LAMA1: variants seen among roughly 807,000 people sequenced by gnomAD.
LAMA1 encodes the protein laminin subunit alpha 1.
LAMA1 carries 219 observed loss-of-function variants against 348.7 expected under a neutral mutation model. The observed-to-expected ratio is 0.63, with a 90% CI of 0.56 to 0.70. The LOEUF is 0.70. Ranked by LOEUF, LAMA1 falls within the 30% of genes least tolerant of loss-of-function variation. The probability of loss-of-function intolerance (pLI) is 0.00; values close to 1 mark genes in which losing one functional copy is unlikely to be tolerated. For missense variants in LAMA1, 3,744 were observed against 3,888.0 expected (o/e 0.96, Z 0.99); for synonymous variants, 1,487 against 1,491.0 (o/e 1.00, Z 0.06).
chr18:6,974,488 G>C (rs193239820), intron 46 of LAMA1, among the ~76,000 whole-genome samples: 1 of 136,054 alleles, frequency 7.4e-6, no homozygotes, highest in Non-Finnish European at 1.5e-5. Context: ...TGGGAGTCTC[G>C]CTCTGTTGCC....
At chr18:6,958,964 T>A (rs1337089172) in intron 54 of LAMA1, among the ~76,000 whole-genome samples, 6 of 152,168 alleles carry the variant, frequency 3.9e-5, no homozygotes, top group Non-Finnish European at 2.9e-5. Flanking sequence ...CCCAGTGTGC[T>A]TTTAAAGCAT....
Position 6,995,403 on chromosome 18 carries a change from A to T in LAMA1, c.4850T>A (p.Ile1617Asn), listed in dbSNP as rs1304674162. 2 of 1,613,480 alleles carry T rather than the reference A, an allele frequency of 1.2e-6. No individual in the cohort carries two copies. Among genetic ancestry groups the T allele is most frequent in the Admixed American group, 1.7e-5 (1 of 60,024 alleles). Residue 1617 changes from isoleucine to asparagine, a missense_variant, in exon 34 of 63, where the codon ATT (isoleucine) becomes AAT (asparagine). Transcript: ENST00000389658. ...KENMQKDLGK[I>N]KLEGVAEETD... ...TTCTTCTGCAACACCTTCAAGCTTA[A>T]TTTTTCCCAGGTCCTTTTGCATATT...
In LAMA1 at chr18:7,070,417, T is replaced by A. The variant is rs183008441; in HGVS notation, c.345+9558A>T. Among the ~76,000 whole-genome samples the A allele has an allele frequency of 1.8e-3, 268 of 152,334 alleles. 1 individual carries two copies. The highest frequency in any genetic ancestry group is 6.0e-3 in the African/African-American group (249 of 41,586). On this transcript the variant is annotated intron_variant, in intron 3 of 62. Coordinates refer to ENST00000389658, the MANE Select transcript of LAMA1 (RefSeq NM_005559.4). ...ATGCAATTCTTGCAATAAAAATCTTTAAAGATTTTATCTTAAGAATGTGAA... is the reference window on the plus strand; with the variant it reads ...ATGCAATTCTTGCAATAAAAATCTTAAAAGATTTTATCTTAAGAATGTGAA...
rs139287713 is a variant in LAMA1, at chr18:7,088,394, G to A, written c.62-7937C>T. 3.0e-3 allele frequency among the ~76,000 whole-genome samples: 458 copies of A among 152,266 alleles called. 2 individuals carry two copies. The highest frequency in any genetic ancestry group is 0.01 in the African/African-American group (436 of 41,546). Reference sequence around the variant, plus strand: ...AAGCCGAGAAGGGAAAGCACCTCAGGAGGTAACACTGAACGGGTTATGTAA... The same window carrying A: ...AAGCCGAGAAGGGAAAGCACCTCAGAAGGTAACACTGAACGGGTTATGTAA... On this transcript the variant is annotated intron_variant, in intron 1 of 62. Transcript: ENST00000389658.
intron 34 of LAMA1, among the ~76,000 whole-genome samples, chr18:6,994,358 T>C (rs1209552412): frequency 6.6e-6 from 1 of 152,266 alleles, no homozygotes; most frequent in Non-Finnish European, 1.5e-5. Context: ...CTGGGATTTT[T>C]ACTCTTTGTT....
chr18:7,029,819 G>C (rs1202636163), intron 16 of LAMA1, among the ~76,000 whole-genome samples: 1 of 152,092 alleles, frequency 6.6e-6, no homozygotes, highest in Non-Finnish European at 1.5e-5. Context: ...AGAGAGCTCA[G>C]AGAGAAAAAC....
Position 7,024,367 on chromosome 18 carries a change from G to A in LAMA1, c.2489+13C>T. On this transcript the variant is annotated intron_variant, in intron 18 of 62. Coordinates refer to ENST00000389658, the MANE Select transcript of LAMA1 (RefSeq NM_005559.4). ...ATTTCGAAAATGTGTTGAAGCCAGT[G>A]GATGCAGAGTACCTCTCACACCAAG... 6.2e-7 allele frequency: 1 copy of A among 1,605,928 alleles called. No individual in the cohort carries two copies. The highest frequency in any genetic ancestry group is 1.1e-5 in the South Asian group (1 of 90,738).
chr18:6,980,681 A>T, intron 41 of LAMA1, 44 bp from the exon 42 acceptor site: 1 of 1,260,830 alleles, frequency 7.9e-7, no homozygotes, highest in Non-Finnish European at 1.2e-6. Flanking sequence ...TTAGCCTACA[A>T]AAAAGTTGCC....
At chr18:6,983,442 A>G (rs1275901589) in intron 39 of LAMA1, among the ~76,000 whole-genome samples, 2 of 152,152 alleles carry the variant, frequency 1.3e-5, no homozygotes, top group African/African-American at 2.4e-5. Context: ...TTGTCATAAC[A>G]CTCAGAACTG....
intron 19 of LAMA1, among the ~76,000 whole-genome samples, chr18:7,021,251 C>G (rs1463490839): frequency 3.9e-5 from 6 of 152,170 alleles, no homozygotes; most frequent in Non-Finnish European, 8.8e-5. Flanking sequence ...AGTGCAACCC[C>G]CGACAGTCAT....
At chr18:7,074,328 A>C (rs2058158223) in intron 3 of LAMA1, among the ~76,000 whole-genome samples, 1 of 152,192 alleles carries the variant, frequency 6.6e-6, no homozygotes, top group Non-Finnish European at 1.5e-5. Context: ...GACGATGAAC[A>C]TCTTTTCATC....
intron 55 of LAMA1, chr18:6,957,088 G>T: frequency 2.7e-6 from 1 of 368,990 alleles, no homozygotes; most frequent in Non-Finnish European, 5.2e-6. Flanking sequence ...TCAGGGACAC[G>T]TTTTTGTCTC....
intron 48 of LAMA1, among the ~76,000 whole-genome samples, chr18:6,969,732 A>C (rs554852596): frequency 2.6e-5 from 4 of 152,258 alleles, no homozygotes; most frequent in African/African-American, 7.2e-5. Flanking sequence ...AGTTGGCAGG[A>C]GGGCAGCATC....
chr18:6,972,249 A>C (rs916913725), intron 47 of LAMA1: 1 of 423,450 alleles, frequency 2.4e-6, no homozygotes, highest in Admixed American at 3.5e-5. Context: ...ACGAGTGAGA[A>C]AACAGAGAGC....
intron 18 of LAMA1, 50 bp downstream of exon 18, chr18:7,024,329 GA>G: frequency 7.1e-7 from 1 of 1,409,074 alleles, no homozygotes; most frequent in Non-Finnish European, 1.0e-6. Flanking sequence ...TAAACACATA[GA>G]ATTTATATTT....
chr18:7,026,011 G>A lies in LAMA1; in HGVS notation c.2370C>T (p.Pro790=), dbSNP rs772773157. The change falls in exon 17 of 63, where the codon CCC becomes CCT. Residue 790 remains proline, a synonymous_variant. Transcript: ENST00000389658. The part of the protein sequence containing the change: ...PSRGTPGDCQ[P]CACPLTIASN... ...AGGCTATGGTGAGAGGGCAGGCGCA[G>A]GGCTGGCAGTCCCCAGGTGTCCCTC... 1.2e-6 allele frequency: 2 copies of A among 1,609,638 alleles called. No individual in the cohort carries two copies. The highest frequency in any genetic ancestry group is 2.2e-5 in the East Asian group (1 of 44,742).
Position 6,952,976 on chromosome 18 carries a change from C to T in LAMA1, c.8208-2005G>A, listed in dbSNP as rs998530925. 5.2e-4 allele frequency among the ~76,000 whole-genome samples: 71 copies of T among 136,742 alleles called. 2 individuals are homozygous for T. Among genetic ancestry groups the T allele is most frequent in the African/African-American group, 2.2e-3 (65 of 30,044 alleles). 89.7% of individuals were successfully genotyped at this position (136,742 alleles called of 152,430 possible). A position where few individuals can be genotyped will look rare whatever the true frequency, so the allele number is the denominator to read the frequency against. ...CATGGGAGCCATGTCTGCCTGTGTC[C>T]GGCGGATCCACGCCATAGGAGCCAT... On this transcript the variant is annotated intron_variant, in intron 57 of 62. Coordinates refer to ENST00000389658, the MANE Select transcript of LAMA1 (RefSeq NM_005559.4).
rs1338301644 is a variant in LAMA1 at position 6,993,655 on chromosome 18, T to TG, written c.4993dup (p.Gln1665ProfsTer19). 1.9e-6 allele frequency: 3 copies of TG among 1,612,236 alleles called. No homozygotes were observed. Among genetic ancestry groups the TG allele is most frequent in the Admixed American group, 3.3e-5 (2 of 59,980 alleles). On this transcript the variant is annotated frameshift_variant, in exon 35 of 63. Coordinates refer to ENST00000389658, the MANE Select transcript of LAMA1 (RefSeq NM_005559.4). LOFTEE classifies it high-confidence loss of function. ...GCCCACACTACCTGTGATGCTCATC[T>TG]GCAGCCTCTCAATGGCTATGGCCAG...
chr18:7,095,528 C>T (rs2058257588), intron 1 of LAMA1, among the ~76,000 whole-genome samples: 1 of 152,184 alleles, frequency 6.6e-6, no homozygotes. Flanking sequence ...GGCTCCAGCT[C>T]TGAAGAAGGC....
Sources: gnomAD v4.1 joint callset for allele counts (sites outside exome capture counted in the v4.1 genomes callset) on GRCh38, gnomAD v4.1.1 for gene constraint, MANE v1.5 for transcripts, NCBI Gene and HGNC (gene_info 2026-07-23, HGNC 2026-07-21) for gene names.